The following ACAT1 variants were observed in gnomAD, a reference collection of about 807,000 sequenced individuals.
The protein encoded by ACAT1 is acetyl-CoA acetyltransferase 1, also known as acetyl-CoA acetyltransferase, mitochondrial.
Under a neutral mutation model 47.3 loss-of-function variants are expected in ACAT1, and 28 were observed. The observed-to-expected ratio is 0.59, with a 90% CI of 0.44 to 0.81. The LOEUF is 0.81. ACAT1 is among the 30% of genes least tolerant of loss of function. The pLI is 0.00. For synonymous variants in ACAT1, 181 were observed against 173.6 expected, an observed-to-expected ratio of 1.04 and a Z score of -0.34; for missense variants, 469 against 524.3, an observed-to-expected ratio of 0.89 and a Z score of 1.03.
At chr11:108,135,078 T>A in intron 4 of ACAT1, 64 bp from the exon 5 acceptor site, 1 of 1,069,078 alleles carries the variant, frequency 9.4e-7, no homozygotes, top group African/African-American at 1.6e-5. Flanking sequence ...AGTAACATGC[T>A]CTATTAAGTT....
chr11:108,139,522 G>A (rs2077542920), intron 6 of ACAT1, among the ~76,000 whole-genome samples: 1 of 151,824 alleles, frequency 6.6e-6, no homozygotes, highest in African/African-American at 2.4e-5. Context: ...AACCCGGGAG[G>A]TGGAGGTTGC....
chr11:108,134,152 C>T (rs570466815), intron 3 of ACAT1, 69 bp from the exon 4 acceptor site: 1 of 1,406,718 alleles, frequency 7.1e-7, no homozygotes, highest in Admixed American at 1.7e-5. Flanking sequence ...TGTCACCTAC[C>T]TTATTAGGTA....
chr11:108,142,001 A>G (rs1379744507), intron 8 of ACAT1, among the ~76,000 whole-genome samples: 4 of 152,204 alleles, frequency 2.6e-5, no homozygotes, highest in Non-Finnish European at 5.9e-5. Flanking sequence ...CCATAATAAC[A>G]TTCTTCTATT....
intron 5 of ACAT1, among the ~76,000 whole-genome samples, chr11:108,137,434 A>G (rs900281182): frequency 1.3e-5 from 2 of 152,226 alleles, no homozygotes; most frequent in Non-Finnish European, 2.9e-5. Flanking sequence ...TCAGACTTAC[A>G]TTCTAGCCAA....
At chr11:108,134,147 C>T in intron 3 of ACAT1, 74 bp from the exon 4 acceptor site, 1 of 1,378,868 alleles carries the variant, frequency 7.3e-7, no homozygotes, top group Non-Finnish European at 1.0e-6. Flanking sequence ...TGTAATGTCA[C>T]CTACCTTATT....
At chr11:108,135,613 C>T (rs1190472722) in intron 5 of ACAT1, among the ~76,000 whole-genome samples, 2 of 151,722 alleles carry the variant, frequency 1.3e-5, no homozygotes, top group African/African-American at 4.8e-5. Flanking sequence ...AATCCCAGCA[C>T]TTTGGGAGGC....
At chr11:108,138,861 T>A in intron 5 of ACAT1, 37 bp from the exon 6 acceptor site, 1 of 1,614,112 alleles carries the variant, frequency 6.2e-7, no homozygotes, top group Non-Finnish European at 8.5e-7. Flanking sequence ...GCAAAATATT[T>A]GTATTAACAT....
intron 9 of ACAT1, chr11:108,142,970 CAA>C (rs1165232101): frequency 5.3e-6 from 1 of 190,090 alleles, no homozygotes; most frequent in Non-Finnish European, 1.1e-5. Context: ...ATACATATTT[CAA>C]TTGAGATAGA....
chr11:108,147,158 G>A, intron 11 of ACAT1, 112 bp from the exon 12 acceptor site: 1 of 1,271,260 alleles, frequency 7.9e-7, no homozygotes, highest in Non-Finnish European at 1.1e-6. Flanking sequence ...AGTTAATTCA[G>A]CAAGTAGTAG....
At chr11:108,143,432 G>T (rs1264670938) in intron 9 of ACAT1, 1 of 152,182 alleles carries the variant, frequency 6.6e-6, no homozygotes, top group Non-Finnish European at 1.5e-5. Context: ...TACATGTGTG[G>T]TGTTTTAGTA....
chr11:108,136,825 TTA>T (rs1256191696), intron 5 of ACAT1: 13 of 152,216 alleles, frequency 8.5e-5, no homozygotes, highest in Admixed American at 6.5e-4. Context: ...GGCAAAATAT[TTA>T]TGTTTCTTTG....
At chr11:108,135,931 T>C (rs969040423) in intron 5 of ACAT1, 2 of 425,618 alleles carry the variant, frequency 4.7e-6, no homozygotes, top group Non-Finnish European at 8.3e-6. Context: ...GTTTTCATTA[T>C]AAAGGAGAAC....
chr11:108,138,871 T>C (rs1441892450), intron 5 of ACAT1, 27 bp from the exon 6 acceptor site: 1 of 1,614,094 alleles, frequency 6.2e-7, no homozygotes, highest in Non-Finnish European at 8.5e-7. Context: ...TGTATTAACA[T>C]TGGGTTTTTC....
At chr11:108,139,311 C>T in intron 6 of ACAT1, 1 of 441,556 alleles carries the variant, frequency 2.3e-6, no homozygotes, top group South Asian at 2.1e-5. Context: ...ACATGAGTGG[C>T]TGGGTGCGGT....
At chr11:108,117,370 C>A (rs554212910), upstream of ACAT1, among the ~76,000 whole-genome samples, 3 of 151,160 alleles carry the variant, frequency 2.0e-5, no homozygotes, top group Non-Finnish European at 4.4e-5. Flanking sequence ...TACAGTGGCA[C>A]GATCTCGACT....
At chr11:108,119,197 G>A (rs1055638717), upstream of ACAT1, among the ~76,000 whole-genome samples, 3 of 151,842 alleles carry the variant, frequency 2.0e-5, no homozygotes, top group Admixed American at 6.6e-5. Context: ...TATGTAACCA[G>A]TCTTTTTTTT....
rs1165869433 is a variant in ACAT1, at chr11:108,133,926, T to C, written c.227T>C (p.Ile76Thr). 3.1e-6 allele frequency: 5 copies of C among 1,613,896 alleles called. No individual in the cohort carries two copies. Among genetic ancestry groups the C allele is most frequent in the Non-Finnish European group, 3.4e-6 (4 of 1,179,832 alleles). ...GGTTCCATTGCAATTCAGGGAGCCA[T>C]TGAAAAGGCAGGTCAGTAGTTACTT... is the stretch of plus-strand genomic sequence containing the variant. ...KLGSIAIQGA[I>T]EKAGIPKEEV... Residue 76 changes from isoleucine (I) to threonine (T), a missense_variant, in exon 3 of 12, where the codon ATT (isoleucine) becomes ACT (threonine). By Grantham distance (89) the Ile-to-Thr change is moderately conservative. Coordinates refer to ENST00000265838, the MANE Select transcript of ACAT1 (RefSeq NM_000019.4).
At chr11:108,119,228 C>G (rs1189922476), upstream of ACAT1, among the ~76,000 whole-genome samples, 1 of 151,378 alleles carries the variant, frequency 6.6e-6, no homozygotes, top group South Asian at 2.1e-4. Context: ...TTTTGAGACA[C>G]AGTCTCATTC....
rs5794588 is a variant in ACAT1, at chr11:108,143,957, A to ACC, written c.941-15_941-14dup. ...CAGTAAAAAAAAAAAGATTTTAACAACCCCCCCCCCCCTTTTTTTAAACAG... is the reference window on the plus strand; with the variant it reads ...CAGTAAAAAAAAAAAGATTTTAACAACCCCCCCCCCCCCCTTTTTTTAAACAG... On this transcript the variant is annotated intron_variant, in intron 9 of 11. Coordinates refer to ENST00000265838, the MANE Select transcript of ACAT1 (RefSeq NM_000019.4). The ACC allele has an allele frequency of 2.3e-4, 202 of 875,686 alleles. 1 individual carries two copies. In the African/African-American group the frequency reaches 2.3e-3, roughly 10 times the overall value. The allele number at this position is 875,686 out of a possible 1,614,324, so 54.2% of individuals were successfully genotyped here.
Sources: allele counts gnomAD v4.1 joint callset (sites outside exome capture counted in the v4.1 genomes callset), GRCh38; gene constraint gnomAD v4.1.1; transcripts MANE v1.5; gene names NCBI Gene and HGNC (gene_info 2026-07-23, HGNC 2026-07-21).